Variants in LINGO2 observed in about 807,000 individuals in gnomAD.
LINGO2 encodes the protein leucine rich repeat and Ig domain containing 2, also known as leucine-rich repeat and immunoglobulin-like domain-containing nogo receptor-interacting protein 2.
LINGO2 carries 14 observed loss-of-function variants against 30.6 expected under a neutral mutation model. The ratio of observed to expected loss-of-function variants is 0.46; its 90% CI spans 0.30 to 0.72. The LOEUF is 0.72. LINGO2 is among the 30% of genes least tolerant of loss of function. The probability of loss-of-function intolerance (pLI) is 0.07; values close to 1 mark genes in which losing one functional copy is unlikely to be tolerated. For synonymous variants in LINGO2, 317 were observed against 288.5 expected (o/e 1.10, Z -1.00); for missense variants, 729 against 751.7 (o/e 0.97, Z 0.35).
intron 3 of LINGO2, among the ~76,000 whole-genome samples, chr9:28,367,855 T>C (rs1820737851): frequency 6.6e-6 from 1 of 152,166 alleles, no homozygotes; most frequent in African/African-American, 2.4e-5. Context: ...ATGAGTCAGA[T>C]GGTGGGTATT....
At chr9:28,117,454 CG>C (rs1252694676) in intron 4 of LINGO2, among the ~76,000 whole-genome samples, 1 of 101,914 alleles carries the variant, frequency 9.8e-6, no homozygotes, top group African/African-American at 3.8e-5. Context: ...TCGAGCTTCC[CG>C]GCTGCTTTGT....
chr9:28,482,575 G>T (rs1471248319), intron 1 of LINGO2, among the ~76,000 whole-genome samples: 1 of 152,052 alleles, frequency 6.6e-6, no homozygotes, highest in African/African-American at 2.4e-5. Flanking sequence ...TTTGCAGGTT[G>T]CCTGTTCACT....
At chr9:28,845,493 T>A in the LINGO2 span, among the ~76,000 whole-genome samples, 1 of 151,874 alleles carries the variant, frequency 6.6e-6, no homozygotes, top group East Asian at 1.9e-4. Flanking sequence ...ATGTTCCCTA[T>A]TTCCCACATA....
chr9:28,355,220 G>A lies in LINGO2; in HGVS notation c.-246+17616C>T, dbSNP rs78110710. Among the ~76,000 whole-genome samples, 1,090 of 149,124 alleles carry A rather than the reference G, an allele frequency of 7.3e-3. 19 individuals carry two copies. Among genetic ancestry groups the A allele is most frequent in the African/African-American group, 0.026 (1,031 of 40,224 alleles). On this transcript the variant is annotated intron_variant, in intron 3 of 5. Transcript: ENST00000379992. The stretch of plus-strand genomic sequence containing the variant: ...AGGTTGTATTATAAATCTCAAAACC[G>A]TAATCTGTCTCTATCTCTCTCTGTC...
chr9:29,181,464 T>G, the LINGO2 span, among the ~76,000 whole-genome samples: 1 of 152,336 alleles, frequency 6.6e-6, no homozygotes, highest in East Asian at 1.9e-4. Context: ...ATTTTCATGT[T>G]TGATGATTTA....
chr9:28,011,849 A>C (rs1270987894), intron 5 of LINGO2, among the ~76,000 whole-genome samples: 2 of 152,184 alleles, frequency 1.3e-5, no homozygotes, highest in Non-Finnish European at 2.9e-5. Context: ...ACAGTCAAGA[A>C]GACACAGGCA....
At chr9:28,664,270 C>T (rs183441362) in intron 1 of LINGO2, among the ~76,000 whole-genome samples, 156 of 152,024 alleles carry the variant, frequency 1.0e-3, no homozygotes, top group African/African-American at 3.4e-3. Context: ...CACAGTACTG[C>T]TTTTTTTGTT....
chr9:28,201,649 G>A (rs1423348508), intron 4 of LINGO2, among the ~76,000 whole-genome samples: 4 of 151,468 alleles, frequency 2.6e-5, no homozygotes, highest in Admixed American at 6.6e-5. Context: ...CTGAGGAATC[G>A]CCACACTGAC....
chr9:29,004,138 TTAATCC>T, the LINGO2 span, among the ~76,000 whole-genome samples: 1 of 151,980 alleles, frequency 6.6e-6, no homozygotes, highest in Non-Finnish European at 1.5e-5. Flanking sequence ...AAGAAAGAAA[TTAATCC>T]ATGAATATGT....
chr9:28,062,202 A>G (rs1825166008), intron 4 of LINGO2, among the ~76,000 whole-genome samples: 1 of 152,026 alleles, frequency 6.6e-6, no homozygotes, highest in Non-Finnish European at 1.5e-5. Flanking sequence ...ACCTTACCAG[A>G]TTCCCATAGA....
chr9:28,001,006 A>G (rs1821922856), intron 5 of LINGO2, among the ~76,000 whole-genome samples: 1 of 152,252 alleles, frequency 6.6e-6, no homozygotes, highest in African/African-American at 2.4e-5. Flanking sequence ...TTTTCGACTA[A>G]TTGATTACTA....
In LINGO2 at chr9:28,189,268, G is replaced by GAA. The variant is rs1330502762; in HGVS notation, c.-87+105939_-87+105940insTT. On this transcript the variant is annotated intron_variant, in intron 4 of 5. Coordinates refer to ENST00000379992, the Ensembl canonical transcript of LINGO2. ...GGGAGGAAGGGAGGAAGGAAGGGAG[G>GAA]GAGGAAGGGAGGGAGGGAGGGAGGA... 4.2e-4 allele frequency among the ~76,000 whole-genome samples: 36 copies of GAA among 86,320 alleles called. 5 individuals are homozygous for GAA. Among genetic ancestry groups the GAA allele is most frequent in the Non-Finnish European group, 5.1e-4 (21 of 41,270 alleles). The allele number at this position is 86,320 out of a possible 152,430, so 56.6% of individuals were successfully genotyped here.
At chr9:28,371,288 T>C (rs13291186) in intron 3 of LINGO2, among the ~76,000 whole-genome samples, 77,132 of 152,046 alleles carry the variant, frequency 0.51, 20,976 homozygotes, top group Non-Finnish European at 0.59. Flanking sequence ...TGTTTTAGTT[T>C]GTTCTAGCTG....
chr9:28,641,694 A>C (rs986548108), intron 1 of LINGO2, among the ~76,000 whole-genome samples: 4 of 152,226 alleles, frequency 2.6e-5, no homozygotes, highest in Admixed American at 2.6e-4. Context: ...AAGATATACC[A>C]AGAGATAAAG....
chr9:28,248,158 A>G (rs1030515240), intron 4 of LINGO2, among the ~76,000 whole-genome samples: 1 of 152,178 alleles, frequency 6.6e-6, no homozygotes, highest in African/African-American at 2.4e-5. Flanking sequence ...TTGCCCTCCT[A>G]TGTTTATCAC....
At chr9:28,426,590 A>T (rs1823422727) in intron 2 of LINGO2, among the ~76,000 whole-genome samples, 1 of 152,006 alleles carries the variant, frequency 6.6e-6, no homozygotes, top group Non-Finnish European at 1.5e-5. Flanking sequence ...GAAGTTTTTA[A>T]ATATGCAGGT....
At chr9:28,894,406 G>A in the LINGO2 span, among the ~76,000 whole-genome samples, 7 of 151,934 alleles carry the variant, frequency 4.6e-5, no homozygotes, top group Non-Finnish European at 1.0e-4. Context: ...ACTTTATTAT[G>A]ATGTCTTTCA....
At chr9:28,048,088 C>A (rs964644125) in intron 4 of LINGO2, among the ~76,000 whole-genome samples, 1 of 150,724 alleles carries the variant, frequency 6.6e-6, no homozygotes, top group Admixed American at 6.7e-5. Flanking sequence ...AACACAAAGC[C>A]ACCTCAGTGA....
At chr9:28,519,496 T>C (rs1351843137) in intron 1 of LINGO2, among the ~76,000 whole-genome samples, 3 of 152,230 alleles carry the variant, frequency 2.0e-5, no homozygotes, top group African/African-American at 7.2e-5. Flanking sequence ...AAAGCATATA[T>C]AGAACATTTT....
Sources: allele counts gnomAD v4.1 joint callset (sites outside exome capture counted in the v4.1 genomes callset), GRCh38; gene constraint gnomAD v4.1.1; transcripts MANE v1.5; gene names NCBI Gene and HGNC (gene_info 2026-07-23, HGNC 2026-07-21).